The following SANBR variants were observed in gnomAD, a reference collection of about 807,000 sequenced individuals.
SANBR encodes SANT and BTB domain regulator of class switch recombination.
A neutral mutation model predicts 101.8 loss-of-function variants in SANBR; 77 were observed. That is an observed-to-expected ratio of 0.76 (90% CI 0.63 to 0.91). The LOEUF is 0.91. Ranked by LOEUF, SANBR falls within the 40% of genes least tolerant of loss-of-function variation. The pLI is 0.00. For synonymous variants in SANBR, 279 were observed against 274.7 expected, an observed-to-expected ratio of 1.02 and a Z score of -0.15; for missense variants, 875 against 853.0, an observed-to-expected ratio of 1.03 and a Z score of -0.32.
chr2:61,071,036 T>C (rs1432048982), intron 3 of SANBR, among the ~76,000 whole-genome samples: 3 of 151,866 alleles, frequency 2.0e-5, no homozygotes, highest in Admixed American at 1.3e-4. Context: ...CTTCCTTGTT[T>C]TACAAGAGCA....
rs531703834 is a variant in SANBR at position 61,095,832 on chromosome 2, C to T, written c.1213-1868C>T. On this transcript the variant is annotated intron_variant, in intron 11 of 21. Transcript: ENST00000402291. ...GTCAGGGTACCTCCTAAAAGCCCAG[C>T]GATGTCCCCTCCATCCAGTCCAAGG... Among the ~76,000 whole-genome samples the T allele has an allele frequency of 5.3e-5, 8 of 152,252 alleles. No homozygotes were observed. In the East Asian group the frequency reaches 1.4e-3, roughly 26 times the overall value.
chr2:61,135,826 G>T (rs753417918), intron 21 of SANBR, among the ~76,000 whole-genome samples: 7 of 152,074 alleles, frequency 4.6e-5, no homozygotes, highest in Non-Finnish European at 8.8e-5. Context: ...TATGAAAAGG[G>T]AAAGAAAGCA....
intron 6 of SANBR, 123 bp from the exon 7 acceptor site, chr2:61,081,329 A>G (rs566628730): frequency 4.2e-6 from 4 of 960,140 alleles, no homozygotes; most frequent in Non-Finnish European, 4.5e-6. Flanking sequence ...CCCATAAGCT[A>G]TAATAAGATT....
At chr2:61,135,781 A>G (rs56654400) in intron 21 of SANBR, among the ~76,000 whole-genome samples, 127 of 152,336 alleles carry the variant, frequency 8.3e-4, no homozygotes, top group African/African-American at 2.8e-3. Context: ...AAGAGAAATT[A>G]TAGCTAAAAT....
In SANBR at chr2:61,103,915, G is replaced by T. The variant is rs754421415; in HGVS notation, c.1428G>T (p.Pro476=). The T allele has an allele frequency of 6.2e-7, 1 of 1,614,106 alleles. No homozygotes were observed. The part of the protein sequence containing the change: ...LRDQGEGGDL[P]SCPTARMLDD... ...ATCAAGGTGAAGGCGGAGATTTGCCGTCCTGTCCCACTGCTAGAATGTTGG... is the reference window on the plus strand; with the variant it reads ...ATCAAGGTGAAGGCGGAGATTTGCCTTCCTGTCCCACTGCTAGAATGTTGG... The change falls in exon 13 of 22, where the codon CCG becomes CCT. Residue 476 remains proline (P), a synonymous_variant. Coordinates refer to ENST00000402291, the MANE Select transcript of SANBR (RefSeq NM_001129993.3).
At chr2:61,071,356 C>T (rs1448437151) in intron 3 of SANBR, among the ~76,000 whole-genome samples, 1 of 152,032 alleles carries the variant, frequency 6.6e-6, no homozygotes, top group African/African-American at 2.4e-5. Context: ...CAAGACCAGC[C>T]TGACCAATAT....
In SANBR at chr2:61,122,177, T is replaced by C. The variant is rs1226592713; in HGVS notation, c.*15T>C. ...GTCCTGCATAAAGTACCTTAAAATA[T>C]AAGTAAAAAGAGAGAAGGCACTCTT... On this transcript the variant is annotated 3_prime_UTR_variant, in exon 22 of 22. Transcript: ENST00000402291. The C allele has an allele frequency of 5.2e-6, 8 of 1,548,738 alleles. No individual in the cohort carries two copies. The highest frequency in any genetic ancestry group is 2.4e-5 in the South Asian group (2 of 83,578).
At chr2:61,129,705 C>G (rs1304721936) in intron 20 of SANBR, among the ~76,000 whole-genome samples, 1 of 151,286 alleles carries the variant, frequency 6.6e-6, no homozygotes, top group African/African-American at 2.4e-5. Context: ...AATACAGGAA[C>G]AAATGAAGAG....
intron 4 of SANBR, among the ~76,000 whole-genome samples, chr2:61,073,028 A>G (rs1048284731): frequency 3.3e-5 from 5 of 151,920 alleles, no homozygotes; most frequent in African/African-American, 1.2e-4. Context: ...AAGAGCTTCA[A>G]CTGACACAGT....
At chr2:61,093,541 G>A (rs897073811) in intron 11 of SANBR, among the ~76,000 whole-genome samples, 1 of 152,100 alleles carries the variant, frequency 6.6e-6, no homozygotes, top group African/African-American at 2.4e-5. Flanking sequence ...GTTGCGGTGA[G>A]CTGAGATTGC....
intron 16 of SANBR, among the ~76,000 whole-genome samples, chr2:61,114,248 C>T (rs1007798700): frequency 3.3e-5 from 5 of 152,150 alleles, no homozygotes; most frequent in African/African-American, 1.2e-4. Context: ...GAGTTGCAGC[C>T]GCGACCCAGA....
chr2:61,123,539 A>C lies in SANBR; in HGVS notation c.*1377A>C. On this transcript the variant is annotated 3_prime_UTR_variant, in exon 22 of 22. Transcript: ENST00000402291. The stretch of plus-strand genomic sequence containing the variant: ...AATAGACTTTTATTTTCGAAAGAAA[A>C]TGTCTTGTAGTACATATTATATGTA... 1.0e-6 allele frequency: 1 copy of C among 968,354 alleles called. No individual in the cohort carries two copies. The highest frequency in any genetic ancestry group is 1.2e-6 in the Non-Finnish European group (1 of 814,390). The allele number at this position is 968,354 out of a possible 1,614,324, so 60.0% of individuals were successfully genotyped here. A position where few individuals can be genotyped will look rare whatever the true frequency, so the allele number is the denominator to read the frequency against.
intron 10 of SANBR, among the ~76,000 whole-genome samples, chr2:61,090,238 A>G (rs1306187369): frequency 1.3e-5 from 2 of 152,174 alleles, no homozygotes; most frequent in Non-Finnish European, 2.9e-5. Flanking sequence ...CCTTTCAGTG[A>G]TAGTATTACA....
At chr2:61,081,623 C>A (rs1682133338) in intron 7 of SANBR, 113 bp downstream of exon 7, 4 of 1,161,960 alleles carry the variant, frequency 3.4e-6, no homozygotes, top group Non-Finnish European at 4.7e-6. Context: ...ATTGAAAAAA[C>A]AATTTAAAAA....
chr2:61,100,682 C>T (rs1356376536), intron 12 of SANBR, among the ~76,000 whole-genome samples: 1 of 152,036 alleles, frequency 6.6e-6, no homozygotes, highest in Non-Finnish European at 1.5e-5. Context: ...GTAGATTAAG[C>T]CAGCCACTAA....
At chr2:61,086,439 T>C (rs1682433952) in intron 8 of SANBR, among the ~76,000 whole-genome samples, 1 of 152,102 alleles carries the variant, frequency 6.6e-6, no homozygotes, top group Non-Finnish European at 1.5e-5. Flanking sequence ...TTTTAATTGT[T>C]AGCAAAATAG....
chr2:61,107,817 C>T (rs1232735242), intron 14 of SANBR, among the ~76,000 whole-genome samples: 1 of 151,290 alleles, frequency 6.6e-6, no homozygotes, highest in Non-Finnish European at 1.5e-5. Flanking sequence ...ACCCAGAAGG[C>T]GGAGGTTGCA....
At chr2:61,104,042 G>T in intron 13 of SANBR, 44 bp downstream of exon 13, 1 of 1,562,448 alleles carries the variant, frequency 6.4e-7, no homozygotes, top group African/African-American at 1.4e-5. Context: ...GCTTTATTCA[G>T]CAGTTCCCAT....
chr2:61,076,655 A>G (rs954317191), intron 5 of SANBR, among the ~76,000 whole-genome samples: 3 of 151,840 alleles, frequency 2.0e-5, no homozygotes, highest in African/African-American at 7.2e-5. Context: ...AAGAAAAAGA[A>G]ATTAGAAATT....
Sources: allele counts gnomAD v4.1 joint callset (sites outside exome capture counted in the v4.1 genomes callset), GRCh38; gene constraint gnomAD v4.1.1; transcripts MANE v1.5; gene names NCBI Gene and HGNC (gene_info 2026-07-23, HGNC 2026-07-21).